The following WWOX variants were observed in gnomAD, a reference collection of about 807,000 sequenced individuals.
WWOX encodes WW domain containing oxidoreductase, also known as WW domain-containing oxidoreductase.
A neutral mutation model predicts 46.2 loss-of-function variants in WWOX; 69 were observed. That is an observed-to-expected ratio of 1.49 (90% CI 1.23 to 1.82). The LOEUF (loss-of-function observed/expected upper bound fraction) is 1.82. Among genes scored for constraint, WWOX ranks in the 40% most tolerant of loss-of-function variants. The probability of loss-of-function intolerance (pLI) is 0.00; values close to 1 mark genes in which losing one functional copy is unlikely to be tolerated. For missense variants in WWOX, 919 were observed against 542.6 expected (o/e 1.69, Z -6.89); for synonymous variants, 359 against 202.6 (o/e 1.77, Z -6.56).
chr16:78,262,031 A>T (rs989207328), intron 5 of WWOX, among the ~76,000 whole-genome samples: 1 of 142,286 alleles, frequency 7.0e-6, no homozygotes, highest in African/African-American at 2.6e-5. Context: ...CGGAGGTTGC[A>T]GTGAGTTGAG....
intron 8 of WWOX, among the ~76,000 whole-genome samples, chr16:78,546,884 T>C (rs1405619924): frequency 6.6e-6 from 1 of 152,022 alleles, no homozygotes; most frequent in Non-Finnish European, 1.5e-5. Context: ...CTTAGCACTT[T>C]GGGAGGCTGA....
intron 8 of WWOX, among the ~76,000 whole-genome samples, chr16:78,471,104 C>G (rs549490084): frequency 6.6e-6 from 1 of 152,302 alleles, no homozygotes; most frequent in South Asian, 2.1e-4. Flanking sequence ...TAGCGGTTTT[C>G]TTGCTTCTAG....
intron 8 of WWOX, among the ~76,000 whole-genome samples, chr16:78,522,488 T>C (rs1024644194): frequency 6.6e-6 from 1 of 152,194 alleles, no homozygotes; most frequent in Non-Finnish European, 1.5e-5. Flanking sequence ...GTCTCCGATG[T>C]CACTCTTCTC....
At chr16:78,152,381 C>T (rs115987587) in intron 4 of WWOX, among the ~76,000 whole-genome samples, 8 of 147,436 alleles carry the variant, frequency 5.4e-5, no homozygotes, top group East Asian at 2.0e-4. Context: ...ATTCCTCCCA[C>T]ATATTTGCAA....
chr16:78,611,895 C>G (rs946059196), intron 8 of WWOX, among the ~76,000 whole-genome samples: 7 of 152,162 alleles, frequency 4.6e-5, no homozygotes, highest in South Asian at 4.1e-4. Flanking sequence ...ATTCCATTGG[C>G]TGAAGCAAAT....
chr16:78,865,437 G>C (rs889365706), intron 8 of WWOX, among the ~76,000 whole-genome samples: 2 of 152,130 alleles, frequency 1.3e-5, no homozygotes, highest in African/African-American at 4.8e-5. Flanking sequence ...TCACATCATG[G>C]CTCCTTCTCT....
chr16:78,473,720 C>G (rs2084287310), intron 8 of WWOX, among the ~76,000 whole-genome samples: 1 of 152,128 alleles, frequency 6.6e-6, no homozygotes, highest in Non-Finnish European at 1.5e-5. Flanking sequence ...GTACCCTACT[C>G]TTTACTCCCA....
chr16:78,375,740 C>T (rs1325539373), intron 5 of WWOX, among the ~76,000 whole-genome samples: 2 of 151,888 alleles, frequency 1.3e-5, no homozygotes, highest in African/African-American at 4.8e-5. Flanking sequence ...TTATAGTTTC[C>T]TAAGTATTTG....
intron 8 of WWOX, among the ~76,000 whole-genome samples, chr16:78,804,659 A>G (rs937003463): frequency 1.3e-5 from 2 of 152,260 alleles, no homozygotes; most frequent in African/African-American, 4.8e-5. Flanking sequence ...GAATTGCTTC[A>G]TAAATTTAAC....
intron 8 of WWOX, among the ~76,000 whole-genome samples, chr16:78,621,674 G>C (rs555665399): frequency 7.8e-6 from 1 of 127,964 alleles, no homozygotes. Context: ...GCACCATCTC[G>C]GCTCACCACG....
intron 8 of WWOX, among the ~76,000 whole-genome samples, chr16:78,755,007 G>A (rs1436304656): frequency 6.6e-6 from 1 of 150,710 alleles, no homozygotes; most frequent in Admixed American, 6.7e-5. Context: ...GAGAACACGT[G>A]GACAACGGGA....
At chr16:78,808,183 T>G (rs1431957055) in intron 8 of WWOX, among the ~76,000 whole-genome samples, 1 of 152,128 alleles carries the variant, frequency 6.6e-6, no homozygotes, top group Non-Finnish European at 1.5e-5. Context: ...CAAGATCATG[T>G]CCTCTTTTAA....
At chr16:78,558,894 C>A (rs528911955) in intron 8 of WWOX, among the ~76,000 whole-genome samples, 1 of 152,200 alleles carries the variant, frequency 6.6e-6, no homozygotes, top group East Asian at 1.9e-4. Flanking sequence ...ACCTTGCATC[C>A]TCCTTTGTTC....
intron 8 of WWOX, among the ~76,000 whole-genome samples, chr16:79,075,975 C>T (rs2048648574): frequency 6.6e-6 from 1 of 152,162 alleles, no homozygotes; most frequent in Non-Finnish European, 1.5e-5. Flanking sequence ...CCCCAGTTTT[C>T]AACATTAAAA....
At chr16:78,957,577 C>G (rs1170548871) in intron 8 of WWOX, among the ~76,000 whole-genome samples, 1 of 152,236 alleles carries the variant, frequency 6.6e-6, no homozygotes, top group African/African-American at 2.4e-5. Flanking sequence ...GTGAAATACC[C>G]GTGATTCATA....
intron 8 of WWOX, among the ~76,000 whole-genome samples, chr16:78,917,714 C>G (rs964053743): frequency 2.6e-5 from 4 of 151,950 alleles, no homozygotes; most frequent in African/African-American, 4.8e-5. Flanking sequence ...GACTGTATCT[C>G]CTGTTTTTGG....
intron 8 of WWOX, among the ~76,000 whole-genome samples, chr16:78,605,415 G>A (rs1476612446): frequency 2.0e-5 from 3 of 151,154 alleles, no homozygotes; most frequent in South Asian, 2.1e-4. Context: ...TGTCAAGGGA[G>A]GGAACCTCGC....
At chr16:79,056,003 A>G (rs890710205) in intron 8 of WWOX, among the ~76,000 whole-genome samples, 4 of 152,164 alleles carry the variant, frequency 2.6e-5, no homozygotes, top group African/African-American at 9.7e-5. Flanking sequence ...CTAATCTTCT[A>G]TTTAGCAAGT....
chr16:78,788,218 C>T (rs577986448), intron 8 of WWOX, among the ~76,000 whole-genome samples: 35 of 152,270 alleles, frequency 2.3e-4, no homozygotes, highest in Admixed American at 5.9e-4. Flanking sequence ...GAATCCATTG[C>T]CAAATCCAAG....
Sources: allele counts gnomAD v4.1 joint callset (sites outside exome capture counted in the v4.1 genomes callset), GRCh38; gene constraint gnomAD v4.1.1; transcripts MANE v1.5; gene names NCBI Gene and HGNC (gene_info 2026-07-23, HGNC 2026-07-21).